The following ENOX2 variants were observed in gnomAD, a reference collection of about 807,000 sequenced individuals.
The protein encoded by ENOX2 is ecto-NOX disulfide-thiol exchanger 2, also known as APK1 antigen.
Under a neutral mutation model 45.0 loss-of-function variants are expected in ENOX2, and 36 were observed. The observed-to-expected ratio is 0.80, with a 90% CI of 0.61 to 1.06. The LOEUF (loss-of-function observed/expected upper bound fraction) is 1.06. Among genes scored for constraint, ENOX2 ranks in the 50% least tolerant of loss-of-function variants. The pLI, the probability that ENOX2 is intolerant of heterozygous loss-of-function variation, is 0.00. For synonymous variants in ENOX2, 174 were observed against 152.3 expected (o/e 1.14, Z -1.05); for missense variants, 423 against 462.5 (o/e 0.91, Z 0.78).
chrX:130,625,924 A>T (rs865849621), intron 14 of ENOX2, among the ~76,000 whole-genome samples: 1 of 105,445 alleles, frequency 9.5e-6, no homozygotes, highest in African/African-American at 3.5e-5. Flanking sequence ...TCTCTCTTTC[A>T]CACACACACA....
intron 3 of ENOX2, 46 bp downstream of exon 3, chrX:130,783,501 T>G: frequency 3.1e-6 from 1 of 320,587 alleles, no homozygotes; most frequent in South Asian, 2.8e-5. Flanking sequence ...TGGGAAAATG[T>G]TGACTCTGGT....
chrX:130,849,434 A>G (rs1018154036), intron 2 of ENOX2, among the ~76,000 whole-genome samples: 25 of 112,448 alleles, frequency 2.2e-4, no homozygotes, highest in African/African-American at 7.8e-4. Flanking sequence ...TAATCTGGAA[A>G]GATAAACAAT....
intron 4 of ENOX2, among the ~76,000 whole-genome samples, 172 bp downstream of exon 4, chrX:130,702,948 G>T (rs2037937781): frequency 8.9e-6 from 1 of 112,130 alleles, no homozygotes; most frequent in Non-Finnish European, 1.9e-5. Flanking sequence ...GCAAAACGGA[G>T]TATACTAGTA....
chrX:130,778,604 A>C (rs2039908718), intron 3 of ENOX2, among the ~76,000 whole-genome samples: 1 of 112,168 alleles, frequency 8.9e-6, no homozygotes, highest in Non-Finnish European at 1.9e-5. Context: ...AATGAGTATG[A>C]GAATACATTA....
chrX:130,892,933 G>T (rs892057861), intron 2 of ENOX2, among the ~76,000 whole-genome samples: 7 of 112,390 alleles, frequency 6.2e-5, no homozygotes, highest in African/African-American at 2.3e-4. Context: ...GTTCATTGTA[G>T]AATCTAAATG....
rs1364560821 is a variant in ENOX2 at position 130,688,909 on chromosome X, T to C, written c.207A>G (p.Lys69=). Residue 69 remains lysine (K), a synonymous_variant, in exon 5 of 15, where the codon AAA becomes AAG. Coordinates refer to ENST00000394363, the MANE Select transcript of ENOX2 (RefSeq NM_006375.4). ...TGCAGCTTTTACAGTGTATGATCTCTTTTACTACTGGCATATCTGGAGGAA... is the reference window on the plus strand; with the variant it reads ...TGCAGCTTTTACAGTGTATGATCTCCTTTACTACTGGCATATCTGGAGGAA... The part of the protein sequence containing the change: ...PPIPPDMPVV[K]EIIHCKSCTL... The C allele has an allele frequency of 2.5e-6, 3 of 1,200,670 alleles. No individual in the cohort carries two copies. The highest frequency in any genetic ancestry group is 3.4e-6 in the Non-Finnish European group (3 of 885,710).
At chrX:130,640,851 A>G (rs1249197241) in intron 10 of ENOX2, among the ~76,000 whole-genome samples, 2 of 111,384 alleles carry the variant, frequency 1.8e-5, no homozygotes, top group Non-Finnish European at 3.8e-5. Flanking sequence ...GCAAACCACA[A>G]TGGCACGCAT....
At chrX:130,645,703 C>G (rs1347803936) in intron 10 of ENOX2, 1 of 646,974 alleles carries the variant, frequency 1.5e-6, no homozygotes, top group African/African-American at 2.2e-5. Context: ...CCAGCAGCCG[C>G]GCCCCACATC....
intron 2 of ENOX2, among the ~76,000 whole-genome samples, chrX:130,819,726 G>A (rs1469820727): frequency 4.5e-5 from 5 of 111,332 alleles, no homozygotes; most frequent in South Asian, 3.8e-4. Flanking sequence ...GCCTGTCAGC[G>A]GGTGGGAGGG....
chrX:130,629,989 T>G (rs2035651202), intron 13 of ENOX2, among the ~76,000 whole-genome samples: 1 of 112,188 alleles, frequency 8.9e-6, no homozygotes, highest in Admixed American at 9.4e-5. Flanking sequence ...TTAGGTGAGT[T>G]ATCGTATTAA....
chrX:130,824,887 G>C (rs149149913), intron 2 of ENOX2, among the ~76,000 whole-genome samples: 2 of 110,891 alleles, frequency 1.8e-5, no homozygotes, highest in African/African-American at 6.6e-5. Flanking sequence ...CTGAGGGCTG[G>C]AGATGTGGAA....
At chrX:130,695,036 C>A (rs2037720014) in intron 4 of ENOX2, among the ~76,000 whole-genome samples, 2 of 111,946 alleles carry the variant, frequency 1.8e-5, no homozygotes, top group African/African-American at 6.5e-5. Context: ...AGAGATAACA[C>A]AGTAAGGATA....
chrX:130,783,056 G>A (rs746881099), intron 3 of ENOX2, among the ~76,000 whole-genome samples: 1 of 111,798 alleles, frequency 8.9e-6, no homozygotes, highest in East Asian at 2.8e-4. Flanking sequence ...GTGGGGAGAT[G>A]CAAATATATG....
At chrX:130,683,779 T>C (rs1316153933) in intron 5 of ENOX2, among the ~76,000 whole-genome samples, 1 of 110,808 alleles carries the variant, frequency 9.0e-6, no homozygotes, top group African/African-American at 3.3e-5. Context: ...AAAAGTGTGT[T>C]CCAGGGCACT....
intron 2 of ENOX2, among the ~76,000 whole-genome samples, chrX:130,794,244 T>C (rs2077085474): frequency 8.9e-6 from 1 of 112,470 alleles, no homozygotes; most frequent in South Asian, 3.7e-4. Flanking sequence ...TACTCTATTA[T>C]GGTTGTCTCT....
intron 2 of ENOX2, among the ~76,000 whole-genome samples, chrX:130,853,413 G>T (rs1324729187): frequency 1.0e-5 from 1 of 95,373 alleles, no homozygotes; most frequent in Non-Finnish European, 2.0e-5. Flanking sequence ...GCAGTGAGCC[G>T]AGATCGCGCC....
chrX:130,660,581 G>C (rs1257617970), intron 9 of ENOX2, among the ~76,000 whole-genome samples: 1 of 112,008 alleles, frequency 8.9e-6, no homozygotes, highest in Non-Finnish European at 1.9e-5. Context: ...AGACAGCAAA[G>C]GAAATAGCTG....
At chrX:130,846,035 C>A (rs1198845189) in intron 2 of ENOX2, among the ~76,000 whole-genome samples, 1 of 111,475 alleles carries the variant, frequency 9.0e-6, no homozygotes, top group African/African-American at 3.3e-5. Flanking sequence ...TATAAATACA[C>A]AAATATATCA....
rs768860904 is a variant in ENOX2 at position 130,898,424 on chromosome X, AT to A, written c.-183+3259del. ...CTACTTGCAGCAAACCCCTATTAAT[AT>A]TTTTTTGTGTGTTTACCATTACAGG... On this transcript the variant is annotated intron_variant, in intron 2 of 14. Transcript: ENST00000394363. Among the ~76,000 whole-genome samples, 6 of 111,524 alleles carry A rather than the reference AT, an allele frequency of 5.4e-5. No individual in the cohort carries two copies. In the East Asian group the frequency reaches 8.4e-4, roughly 16 times the overall value.
Sources: allele counts gnomAD v4.1 joint callset (sites outside exome capture counted in the v4.1 genomes callset), GRCh38; gene constraint gnomAD v4.1.1; transcripts MANE v1.5; gene names NCBI Gene and HGNC (gene_info 2026-07-23, HGNC 2026-07-21).